The following FUT8 variants were observed in gnomAD, a reference collection of about 807,000 sequenced individuals.
The protein encoded by FUT8 is alpha-(1,6)-fucosyltransferase.
Under a neutral mutation model 71.3 loss-of-function variants are expected in FUT8, and 29 were observed. That is an observed-to-expected ratio of 0.41 (90% confidence interval 0.30 to 0.55). The LOEUF (loss-of-function observed/expected upper bound fraction) is 0.55. Among genes scored for constraint, FUT8 ranks in the 20% least tolerant of loss-of-function variants. The probability of loss-of-function intolerance (pLI) is 0.34; values close to 1 mark genes in which losing one functional copy is unlikely to be tolerated. For missense variants in FUT8, 544 were observed against 702.1 expected (o/e 0.77, Z 2.55); for synonymous variants, 254 against 239.3 (o/e 1.06, Z -0.57).
chr14:65,369,378 T>C, the FUT8 span, among the ~76,000 whole-genome samples: 3 of 152,192 alleles, frequency 2.0e-5, no homozygotes, highest in African/African-American at 7.2e-5. This position sits in a 1 kb window ranked among gnomAD's most constrained non-coding sequence, Gnocchi z 4.6. Context: ...TCTGCCGACT[T>C]GTCAGAGATG....
intron 7 of FUT8, among the ~76,000 whole-genome samples, chr14:65,675,516 C>T (rs894174781): frequency 1.3e-5 from 2 of 152,168 alleles, no homozygotes; most frequent in Non-Finnish European, 2.9e-5. Context: ...AATTTACCTT[C>T]CTCTGCTGTT....
At chr14:65,659,315 C>T (rs1372223216) in intron 6 of FUT8, among the ~76,000 whole-genome samples, 2 of 151,712 alleles carry the variant, frequency 1.3e-5, no homozygotes, top group East Asian at 1.9e-4. Context: ...ACTCCGTCTT[C>T]GAGAAGAGGT....
chr14:65,489,452 G>C lies in FUT8; in HGVS notation c.-228+33734G>C, dbSNP rs1269414478. Among the ~76,000 whole-genome samples the C allele has an allele frequency of 4.6e-5, 7 of 151,838 alleles. No individual in the cohort carries two copies. Among genetic ancestry groups the C allele is most frequent in the Non-Finnish European group, 1.0e-4 (7 of 67,954 alleles). On this transcript the variant is annotated intron_variant, in intron 2 of 10. Transcript: ENST00000673929. This position sits in a 1 kb window ranked among gnomAD's most constrained non-coding sequence, Gnocchi z 4.0. Reference sequence around the variant, plus strand: ...TATTGATGTTTTTATAGGAATCTCTGCTATCCAGGGATAAAACATAACATG... The same window carrying C: ...TATTGATGTTTTTATAGGAATCTCTCCTATCCAGGGATAAAACATAACATG...
chr14:65,677,114 T>TGTGTGTG (rs1892754524), intron 7 of FUT8, among the ~76,000 whole-genome samples: 2 of 110,270 alleles, frequency 1.8e-5, no homozygotes, highest in Non-Finnish European at 3.7e-5. Context: ...AAAGACATAT[T>TGTGTGTG]TGTGTGTGTG....
chr14:65,515,626 A>C (rs1283882819), intron 2 of FUT8, among the ~76,000 whole-genome samples: 1 of 152,168 alleles, frequency 6.6e-6, no homozygotes, highest in African/African-American at 2.4e-5. Flanking sequence ...GTCAGGACTC[A>C]CAAACAAATC....
the FUT8 span, among the ~76,000 whole-genome samples, chr14:65,368,212 C>A: frequency 6.6e-6 from 1 of 151,556 alleles, no homozygotes; most frequent in African/African-American, 2.4e-5. Context: ...TGCCACCACG[C>A]CCGGCTAATT....
intron 7 of FUT8, among the ~76,000 whole-genome samples, chr14:65,685,933 C>T (rs1893267848): frequency 6.6e-6 from 1 of 152,188 alleles, no homozygotes; most frequent in Non-Finnish European, 1.5e-5. Context: ...GTTTTATCAG[C>T]AAGACCTGTA....
At chr14:65,644,360 C>T (rs1306644361) in intron 6 of FUT8, among the ~76,000 whole-genome samples, 1 of 151,756 alleles carries the variant, frequency 6.6e-6, no homozygotes, top group Non-Finnish European at 1.5e-5. Flanking sequence ...GTGTGATCTC[C>T]GCTCACTGCA....
chr14:65,731,701 C>A (rs1232528351), intron 9 of FUT8, among the ~76,000 whole-genome samples: 1 of 152,036 alleles, frequency 6.6e-6, no homozygotes, highest in Non-Finnish European at 1.5e-5. Flanking sequence ...CACTGTGTTG[C>A]CCAGGCTGGT....
At chr14:65,728,119 C>A (rs1423928602) in intron 9 of FUT8, among the ~76,000 whole-genome samples, 1 of 152,190 alleles carries the variant, frequency 6.6e-6, no homozygotes, top group Admixed American at 6.5e-5. Context: ...GTTCGAAACT[C>A]CCACATTTTC....
chr14:65,492,373 A>C (rs960260619), intron 2 of FUT8, among the ~76,000 whole-genome samples: 1 of 152,230 alleles, frequency 6.6e-6, no homozygotes, highest in African/African-American at 2.4e-5. Context: ...CACTTGTGCC[A>C]GTCACTAAGT....
chr14:65,378,462 C>T, the FUT8 span, among the ~76,000 whole-genome samples: 1 of 151,802 alleles, frequency 6.6e-6, no homozygotes, highest in East Asian at 1.9e-4. Flanking sequence ...ATCTACCTGC[C>T]CAGGATGTAA....
chr14:65,616,512 G>A lies in FUT8; in HGVS notation c.482+139G>A, dbSNP rs1250319457. The A allele has an allele frequency of 5.3e-5, 35 of 656,538 alleles. No individual in the cohort carries two copies. The East Asian group carries it at 9.6e-4, about 18-fold the overall frequency. The allele number at this position is 656,538 out of a possible 1,614,324, so 40.7% of individuals were successfully genotyped here. ...TATTTAAGAGGCGAAGAGTACCTGA[G>A]GTCCCAAAGGATGGTAATTGCCAAG... On this transcript the variant is annotated intron_variant, in intron 5 of 10. Transcript: ENST00000673929.
intron 2 of FUT8, among the ~76,000 whole-genome samples, chr14:65,543,129 T>C (rs185869676): frequency 4.9e-4 from 74 of 152,336 alleles, no homozygotes; most frequent in African/African-American, 1.7e-3. Flanking sequence ...CTTATAACTA[T>C]TAAATGTTGT....
At chr14:65,696,069 A>T (rs940160574) in intron 7 of FUT8, among the ~76,000 whole-genome samples, 9 of 152,130 alleles carry the variant, frequency 5.9e-5, no homozygotes, top group African/African-American at 2.2e-4. Flanking sequence ...CATTACTATC[A>T]TTCGTGTTAG....
intron 1 of FUT8, among the ~76,000 whole-genome samples, chr14:65,427,886 G>T (rs2065413967): frequency 6.6e-6 from 1 of 152,036 alleles, no homozygotes; most frequent in South Asian, 2.1e-4. Flanking sequence ...TTGTCTCCAT[G>T]GTTTTGCCAT....
chr14:65,522,050 G>A (rs1883116408), intron 2 of FUT8, among the ~76,000 whole-genome samples: 1 of 152,070 alleles, frequency 6.6e-6, no homozygotes, highest in Non-Finnish European at 1.5e-5. Context: ...TGGTCTCTTA[G>A]TCTAACTTTA....
intron 5 of FUT8, among the ~76,000 whole-genome samples, chr14:65,619,163 C>T (rs549865544): frequency 3.9e-5 from 6 of 152,234 alleles, no homozygotes; most frequent in African/African-American, 1.4e-4. Context: ...TGGTGAAAAA[C>T]AGATCATAAT....
At position 65,412,842 on chromosome 14, in the gene FUT8, CCT is replaced by C. The variant is rs1307184091; in HGVS notation, c.-694_-693del. ...GGCCGACCCGAGCAGCCGGTTCCCT[CCT>C]CTCCAGGCCCCCTCCCCATCCCACC... On this transcript the variant is annotated 5_prime_UTR_variant, in exon 1 of 11. Coordinates refer to ENST00000673929, the MANE Select transcript of FUT8 (RefSeq NM_001371533.1). Among the ~76,000 whole-genome samples the C allele has an allele frequency of 7.9e-5, 12 of 152,330 alleles. No individual in the cohort carries two copies. The highest frequency in any genetic ancestry group is 2.9e-4 in the African/African-American group (12 of 41,586).
Sources: allele counts gnomAD v4.1 joint callset (sites outside exome capture counted in the v4.1 genomes callset), GRCh38; gene constraint gnomAD v4.1.1; non-coding constraint Gnocchi (gnomAD v3.1); transcripts MANE v1.5; gene names NCBI Gene and HGNC (gene_info 2026-07-23, HGNC 2026-07-21).